Variants in MAGI2 observed in about 807,000 individuals in gnomAD.
MAGI2 encodes membrane associated guanylate kinase, WW and PDZ domain containing 2, also known as membrane-associated guanylate kinase, WW and PDZ domain-containing protein 2.
A neutral mutation model predicts 133.3 loss-of-function variants in MAGI2; 35 were observed. The observed-to-expected ratio is 0.26, with a 90% confidence interval of 0.20 to 0.35. The LOEUF is 0.35. MAGI2 is among the 10% of genes least tolerant of loss of function. The pLI, the probability that MAGI2 is intolerant of heterozygous loss-of-function variation, is 1.00. For missense variants in MAGI2, 1,636 were observed against 1,863.4 expected (o/e 0.88, Z 2.25); for synonymous variants, 729 against 710.6 (o/e 1.03, Z -0.41).
At chr7:78,621,632 T>A (rs560545100) in intron 3 of MAGI2, among the ~76,000 whole-genome samples, 1 of 151,998 alleles carries the variant, frequency 6.6e-6, no homozygotes, top group East Asian at 1.9e-4. Context: ...AAGAATCAAC[T>A]AAAACCCTAC....
At position 79,007,091 on chromosome 7, in the gene MAGI2, T is replaced by C; in HGVS notation, c.417A>G (p.Pro139=). 1.9e-6 allele frequency: 3 copies of C among 1,598,274 alleles called. No homozygotes were observed. The highest frequency in any genetic ancestry group is 1.7e-6 in the Non-Finnish European group (2 of 1,170,370). Reference sequence around the variant, plus strand: ...ATTAATACTGCCCATTGTACTCACATGGCACCGTGCGGAGGTAGAGGTTGT... The same window carrying C: ...ATTAATACTGCCCATTGTACTCACACGGCACCGTGCGGAGGTAGAGGTTGT... ...IRDNLYLRTV[P]CTTRPHKEGE... Residue 139 remains proline, a splice_region_variant and synonymous_variant, in exon 2 of 22, where the codon CCA becomes CCG. Coordinates refer to ENST00000354212, the MANE Select transcript of MAGI2 (RefSeq NM_012301.4).
At chr7:79,128,905 C>G (rs1273017768) in intron 1 of MAGI2, among the ~76,000 whole-genome samples, 1 of 152,178 alleles carries the variant, frequency 6.6e-6, no homozygotes, top group Non-Finnish European at 1.5e-5. Flanking sequence ...AATTCTCACT[C>G]TGTCTCCCAG....
rs151229905 is a variant in MAGI2, at chr7:78,854,749, A to G, written c.418+152341T>C. ...CATAGTTGTGGTTTTACTTTGTCCAATGCATTATTTTCTCTGTACTTCTTG... is the reference window on the plus strand; with the variant it reads ...CATAGTTGTGGTTTTACTTTGTCCAGTGCATTATTTTCTCTGTACTTCTTG... On this transcript the variant is annotated intron_variant, in intron 2 of 21. Transcript: ENST00000354212. 2.0e-3 allele frequency among the ~76,000 whole-genome samples: 310 copies of G among 151,894 alleles called. 2 individuals are homozygous for G. Among genetic ancestry groups the G allele is most frequent in the East Asian group, 0.011 (55 of 5,130 alleles).
In MAGI2 at chr7:78,498,058, CTTTTTA is replaced by C. The variant is rs576027281; in HGVS notation, c.965+3513_965+3518del. 8.6e-5 allele frequency among the ~76,000 whole-genome samples: 13 copies of C among 152,014 alleles called. No homozygotes were observed. The South Asian group carries it at 2.1e-3, about 24-fold the overall frequency. ...GTATTCTACCTTTCCTTTAAAAAAA[CTTTTTA>C]TTTATTTATTTACTTAATTGATAAA... On this transcript the variant is annotated intron_variant, in intron 5 of 21. Transcript: ENST00000354212.
intron 2 of MAGI2, among the ~76,000 whole-genome samples, chr7:78,946,461 T>A (rs183384198): frequency 6.6e-6 from 1 of 152,306 alleles, no homozygotes; most frequent in Admixed American, 6.5e-5. Context: ...AGTTCACCAT[T>A]AAAAATAAGT....
chr7:79,222,035 G>A (rs1830480121), intron 1 of MAGI2, among the ~76,000 whole-genome samples: 1 of 152,118 alleles, frequency 6.6e-6, no homozygotes, highest in East Asian at 1.9e-4. Context: ...ACCATCTTGT[G>A]AATAATTAAA....
rs1445083545 is a variant in MAGI2, at chr7:79,353,425, C to T, written c.301+99595G>A. ...ATCCCTTAATCAACAACTCCCAGAGCTTCCAGACCCAAGATACATTTTGGA... is the reference window on the plus strand; with the variant it reads ...ATCCCTTAATCAACAACTCCCAGAGTTTCCAGACCCAAGATACATTTTGGA... On this transcript the variant is annotated intron_variant, in intron 1 of 21. Transcript: ENST00000354212. 8.8e-6 allele frequency: 4 copies of T among 455,444 alleles called. No homozygotes were observed. In the Admixed American group the frequency reaches 9.4e-5, roughly 11 times the overall value. 28.2% of individuals were successfully genotyped at this position (455,444 alleles called of 1,614,324 possible). A position where few individuals can be genotyped will look rare whatever the true frequency, so the allele number is the denominator to read the frequency against.
intron 14 of MAGI2, among the ~76,000 whole-genome samples, chr7:78,171,488 T>A (rs369243705): frequency 1.3e-5 from 2 of 152,150 alleles, no homozygotes; most frequent in Non-Finnish European, 2.9e-5. Context: ...TCCCAGGAGT[T>A]GAATGCTGCT....
chr7:79,263,875 C>T (rs561133627), intron 1 of MAGI2, among the ~76,000 whole-genome samples: 4 of 152,142 alleles, frequency 2.6e-5, no homozygotes, highest in Admixed American at 6.5e-5. Flanking sequence ...TTAATCATTT[C>T]GTTTAGAAAA....
At chr7:78,924,261 C>T (rs1395117807) in intron 2 of MAGI2, among the ~76,000 whole-genome samples, 2 of 152,044 alleles carry the variant, frequency 1.3e-5, no homozygotes, top group Non-Finnish European at 2.9e-5. Flanking sequence ...GAGGGCAACC[C>T]TGTGTTGTGC....
chr7:78,785,481 C>T (rs946115622), intron 2 of MAGI2, among the ~76,000 whole-genome samples: 3 of 152,164 alleles, frequency 2.0e-5, no homozygotes, highest in African/African-American at 7.2e-5. Context: ...ATTTTGCCAT[C>T]ATGTCAGAGG....
At chr7:79,369,448 T>C (rs2129131938) in intron 1 of MAGI2, among the ~76,000 whole-genome samples, 1 of 152,338 alleles carries the variant, frequency 6.6e-6, no homozygotes, top group East Asian at 1.9e-4. Flanking sequence ...TTGCTGCATC[T>C]ACACATTTGA....
intron 1 of MAGI2, among the ~76,000 whole-genome samples, chr7:79,145,078 C>A (rs1401072488): frequency 6.6e-6 from 1 of 152,072 alleles, no homozygotes; most frequent in African/African-American, 2.4e-5. Flanking sequence ...AATGAAGGAG[C>A]TGACCTGGGC....
chr7:79,252,562 G>A (rs910101947), intron 1 of MAGI2, among the ~76,000 whole-genome samples: 1 of 152,088 alleles, frequency 6.6e-6, no homozygotes, highest in African/African-American at 2.4e-5. Context: ...GACAACAGTT[G>A]ACAATCATTT....
At chr7:79,044,549 A>G (rs1811992586) in intron 1 of MAGI2, among the ~76,000 whole-genome samples, 1 of 152,118 alleles carries the variant, frequency 6.6e-6, no homozygotes, top group African/African-American at 2.4e-5. Flanking sequence ...CACCACTCCT[A>G]AAAGTACTGG....
chr7:78,954,796 A>G (rs1355075031), intron 2 of MAGI2, among the ~76,000 whole-genome samples: 1 of 152,138 alleles, frequency 6.6e-6, no homozygotes, highest in Non-Finnish European at 1.5e-5. Flanking sequence ...CTTTTTTTAA[A>G]AAAGGAGTCA....
At chr7:78,425,491 A>G (rs1459655828) in intron 6 of MAGI2, among the ~76,000 whole-genome samples, 2 of 152,206 alleles carry the variant, frequency 1.3e-5, no homozygotes, top group Admixed American at 1.3e-4. Context: ...GAGATTATAC[A>G]TGGTAGAGTT....
chr7:78,057,132 T>C (rs1389178953), intron 21 of MAGI2, among the ~76,000 whole-genome samples: 2 of 151,514 alleles, frequency 1.3e-5, no homozygotes, highest in African/African-American at 4.8e-5. Context: ...ATTTAATTTT[T>C]TGAAGAACCT....
At chr7:78,118,918 C>T (rs1055740804) in intron 20 of MAGI2, among the ~76,000 whole-genome samples, 2 of 152,190 alleles carry the variant, frequency 1.3e-5, no homozygotes, top group Admixed American at 1.3e-4. Context: ...GATAGCAGCT[C>T]TATTCATAAT....
Sources: allele counts gnomAD v4.1 joint callset (sites outside exome capture counted in the v4.1 genomes callset), GRCh38; gene constraint gnomAD v4.1.1; transcripts MANE v1.5; gene names NCBI Gene and HGNC (gene_info 2026-07-23, HGNC 2026-07-21).